SENP7: variants seen among roughly 807,000 people sequenced by gnomAD.
The protein encoded by SENP7 is SUMO specific peptidase 7, also known as sentrin-specific protease 7.
In SENP7, 64 loss-of-function variants were observed where a neutral mutation model predicts 141.2. The ratio of observed to expected loss-of-function variants is 0.45; its 90% CI spans 0.37 to 0.56. The LOEUF (loss-of-function observed/expected upper bound fraction) is 0.56, where lower values mean the gene tolerates loss of function less well. SENP7 is among the 20% of genes least tolerant of loss of function. The pLI is 0.00. For missense variants in SENP7, 1,025 were observed against 1,212.2 expected, an observed-to-expected ratio of 0.85 and a Z score of 2.29; for synonymous variants, 382 against 426.4, an observed-to-expected ratio of 0.90 and a Z score of 1.28.
chr3:101,473,641 G>T (rs2064102516), intron 3 of SENP7, among the ~76,000 whole-genome samples: 1 of 152,176 alleles, frequency 6.6e-6, no homozygotes, highest in Non-Finnish European at 1.5e-5. Context: ...TTCGACTTCT[G>T]TCAGATGCAT....
At chr3:101,385,628 C>A (rs1198700097) in intron 6 of SENP7, among the ~76,000 whole-genome samples, 1 of 152,168 alleles carries the variant, frequency 6.6e-6, no homozygotes, top group African/African-American at 2.4e-5. Flanking sequence ...CCATCCAGAG[C>A]TCAAATGAAT....
chr3:101,465,235 C>A (rs180914154), intron 3 of SENP7, among the ~76,000 whole-genome samples: 1 of 152,088 alleles, frequency 6.6e-6, no homozygotes, highest in South Asian at 2.1e-4. Context: ...ATCCACCCCC[C>A]TCACCCCCGC....
intron 16 of SENP7, among the ~76,000 whole-genome samples, chr3:101,338,780 T>G (rs986062677): frequency 2.6e-5 from 4 of 152,146 alleles, no homozygotes; most frequent in Admixed American, 1.3e-4. Context: ...AATTGGAAAC[T>G]TCGTAATTCC....
intron 15 of SENP7, chr3:101,340,445 G>GT: frequency 2.2e-6 from 1 of 452,236 alleles, no homozygotes; most frequent in Non-Finnish European, 3.8e-6. Flanking sequence ...ATGTGGGCTA[G>GT]TCTTAATAGG....
At chr3:101,444,653 A>G (rs2062815622) in intron 4 of SENP7, among the ~76,000 whole-genome samples, 2 of 150,300 alleles carry the variant, frequency 1.3e-5, no homozygotes, top group Admixed American at 1.3e-4. Flanking sequence ...CAAAAAACCA[A>G]ACACCGTATA....
chr3:101,397,992 G>A (rs2107574906), intron 6 of SENP7, among the ~76,000 whole-genome samples: 1 of 152,284 alleles, frequency 6.6e-6, no homozygotes, highest in African/African-American at 2.4e-5. Context: ...GGCAACTTCA[G>A]ATCTGCATTT....
chr3:101,387,798 G>T (rs2060702245), intron 6 of SENP7, among the ~76,000 whole-genome samples: 1 of 152,200 alleles, frequency 6.6e-6, no homozygotes, highest in African/African-American at 2.4e-5. Context: ...CATCAGTGGG[G>T]CTAGAGGACA....
rs1576781202 is a variant in SENP7, at chr3:101,324,385, A to C, written c.*1558T>G. 1 of 152,254 alleles carries C rather than the reference A, an allele frequency of 6.6e-6. No homozygotes were observed. The highest frequency in any genetic ancestry group is 1.9e-4 in the East Asian group (1 of 5,186). The allele number at this position is 152,254 out of a possible 1,614,324, so 9.4% of individuals were successfully genotyped here. On this transcript the variant is annotated 3_prime_UTR_variant, in exon 24 of 24. Coordinates refer to ENST00000394095, the MANE Select transcript of SENP7 (RefSeq NM_020654.5). ...CAATCTTCAAAACATGATAAAGGAC[A>C]GTGATATCTTTGAAAAACATACAAA...
At chr3:101,351,260 C>T (rs376173820) in intron 12 of SENP7, among the ~76,000 whole-genome samples, 16 of 152,020 alleles carry the variant, frequency 1.1e-4, no homozygotes, top group African/African-American at 3.9e-4. Flanking sequence ...CATTCTCTTA[C>T]CCTCTATGCA....
chr3:101,430,523 C>T (rs1014774495), intron 4 of SENP7, among the ~76,000 whole-genome samples: 4 of 152,064 alleles, frequency 2.6e-5, no homozygotes, highest in South Asian at 2.1e-4. Context: ...TCTGTGGGAT[C>T]GGTGGTGATA....
At chr3:101,373,653 G>A (rs1199124772) in intron 6 of SENP7, among the ~76,000 whole-genome samples, 1 of 152,108 alleles carries the variant, frequency 6.6e-6, no homozygotes, top group African/African-American at 2.4e-5. Flanking sequence ...TTGACTAAAC[G>A]CTAAGCATTA....
intron 3 of SENP7, among the ~76,000 whole-genome samples, chr3:101,487,826 T>G (rs1396518057): frequency 6.6e-6 from 1 of 152,200 alleles, no homozygotes; most frequent in Non-Finnish European, 1.5e-5. Flanking sequence ...TATGTGTCTG[T>G]TTTTATACCT....
At chr3:101,350,128 C>T (rs1317508079) in intron 12 of SENP7, among the ~76,000 whole-genome samples, 1 of 152,006 alleles carries the variant, frequency 6.6e-6, no homozygotes, top group Non-Finnish European at 1.5e-5. Context: ...ACAATAATGG[C>T]CATGAGATAA....
intron 5 of SENP7, chr3:101,414,594 C>T: frequency 6.2e-7 from 1 of 1,605,030 alleles, no homozygotes; most frequent in Non-Finnish European, 8.5e-7. Context: ...CAACTATGAC[C>T]AAGAAGATGA....
intron 12 of SENP7, among the ~76,000 whole-genome samples, chr3:101,351,160 G>A (rs12497642): frequency 0.4 from 60,413 of 151,600 alleles, 12,563 homozygotes; most frequent in Admixed American, 0.54. Flanking sequence ...TTTTCAGTTG[G>A]GAAGAGAATG....
chr3:101,502,690 G>C (rs1036760000), intron 1 of SENP7, among the ~76,000 whole-genome samples: 4 of 152,174 alleles, frequency 2.6e-5, no homozygotes, highest in African/African-American at 9.7e-5. Flanking sequence ...CAGGGCATGG[G>C]GATCACTTGA....
In SENP7 at chr3:101,510,831, G is replaced by A. The variant is rs1045890452; in HGVS notation, c.40+2260C>T. ...TGCGCTCCAGCCTGGGCAACAGAGC[G>A]AGACTCCATCTCAAAAAAAAAAAAA... On this transcript the variant is annotated intron_variant, in intron 1 of 23. Transcript: ENST00000394095. 2.2e-4 allele frequency among the ~76,000 whole-genome samples: 23 copies of A among 105,188 alleles called. No individual in the cohort carries two copies. The East Asian group carries it at 5.0e-3, about 23-fold the overall frequency. 69.0% of individuals were successfully genotyped at this position (105,188 alleles called of 152,430 possible). A position where few individuals can be genotyped will look rare whatever the true frequency, so the allele number is the denominator to read the frequency against.
chr3:101,366,748 T>C lies in SENP7; in HGVS notation c.1000A>G (p.Thr334Ala), dbSNP rs771900964. Residue 334 changes from threonine to alanine, a missense_variant, in exon 9 of 24, where the codon ACA (threonine) becomes GCA (alanine). This residue lies in a region of SENP7 where 496 missense variants were observed against 503.5 expected (regional missense o/e 0.99). Coordinates refer to ENST00000394095, the MANE Select transcript of SENP7 (RefSeq NM_020654.5). ...GGCTTTTCAAACTCAGTGGATATTGTTGAGTCATCTTCTTGTTTTTTCTAA... is the reference window on the plus strand; with the variant it reads ...GGCTTTTCAAACTCAGTGGATATTGCTGAGTCATCTTCTTGTTTTTTCTAA... The part of the protein sequence containing the change: ...EQTKKQEDDS[T>A]ISTEFEKPSE... 3.8e-6 allele frequency: 6 copies of C among 1,591,240 alleles called. No homozygotes were observed. Among genetic ancestry groups the C allele is most frequent in the Non-Finnish European group, 5.1e-6 (6 of 1,167,852 alleles).
At position 101,457,671 on chromosome 3, in the gene SENP7, A is replaced by G. The variant is rs1204820499; in HGVS notation, c.284+1284T>C. 4.3e-6 allele frequency: 6 copies of G among 1,409,976 alleles called. No homozygotes were observed. In the East Asian group the frequency reaches 6.8e-5, roughly 16 times the overall value. 87.3% of individuals were successfully genotyped at this position (1,409,976 alleles called of 1,614,324 possible). On this transcript the variant is annotated intron_variant, in intron 4 of 23. Coordinates refer to ENST00000394095, the MANE Select transcript of SENP7 (RefSeq NM_020654.5). ...TCTACGAGCAGTTCCTTTCCCACCA[A>G]TGCACACTTGTGCCTGCAGTTTGGC...
Sources: allele counts gnomAD v4.1 joint callset (sites outside exome capture counted in the v4.1 genomes callset), GRCh38; gene constraint gnomAD v4.1.1; regional missense constraint gnomAD v4.1.1; transcripts MANE v1.5; gene names NCBI Gene and HGNC (gene_info 2026-07-23, HGNC 2026-07-21).